CPEB2: variants seen among roughly 807,000 people sequenced by gnomAD.
The protein encoded by CPEB2 is cytoplasmic polyadenylation element-binding protein 2.
In CPEB2, 56 loss-of-function variants were observed where a neutral mutation model predicts 93.6. The observed-to-expected ratio is 0.60, with a 90% CI of 0.48 to 0.75. CPEB2 has a LOEUF of 0.75. CPEB2 is among the 30% of genes least tolerant of loss of function. CPEB2 has a pLI of 0.00. For missense variants in CPEB2, 1,579 were observed against 1,395.1 expected, an observed-to-expected ratio of 1.13 and a Z score of -2.10; for synonymous variants, 764 against 586.3, an observed-to-expected ratio of 1.30 and a Z score of -4.38.
chr4:15,014,965 G>T (rs942937225), intron 3 of CPEB2, among the ~76,000 whole-genome samples: 1 of 151,952 alleles, frequency 6.6e-6, no homozygotes, highest in African/African-American at 2.4e-5. Flanking sequence ...AGAGTATTTT[G>T]AGTCTTTTTC....
intron 5 of CPEB2, among the ~76,000 whole-genome samples, chr4:15,037,919 C>T (rs1326522850): frequency 6.6e-6 from 1 of 151,980 alleles, no homozygotes; most frequent in Non-Finnish European, 1.5e-5. Flanking sequence ...TCTCATAATT[C>T]TGATTAAGAG....
At chr4:15,024,424 T>C (rs1203455663) in intron 4 of CPEB2, among the ~76,000 whole-genome samples, 1 of 152,172 alleles carries the variant, frequency 6.6e-6, no homozygotes, top group Non-Finnish European at 1.5e-5. Context: ...ATTTAGAATA[T>C]TGAAGGTATG....
chr4:15,041,075 C>A (rs569926973), intron 6 of CPEB2, among the ~76,000 whole-genome samples: 72 of 152,018 alleles, frequency 4.7e-4, no homozygotes, highest in African/African-American at 1.7e-3. Context: ...TTCCCTCCCC[C>A]ACAAAAGTAT....
At position 15,003,604 on chromosome 4, in the gene CPEB2, C is replaced by G. The variant is rs368903858; in HGVS notation, c.931C>G (p.Pro311Ala). Residue 311 changes from proline (P) to alanine (A), a missense_variant, in exon 1 of 12, where the codon CCG (proline) becomes GCG (alanine). Physicochemically the swap from Pro to Ala is conservative, Grantham distance 27. Transcript: ENST00000538197. ...LASSTPVNPAPGSMESPNHPL... is the reference protein window; with the variant it reads ...LASSTPVNPAAGSMESPNHPL... ...CTCCTCGACGCCGGTGAACCCCGCG[C>G]CGGGCTCCATGGAGTCCCCCAACCA... 9.6e-4 allele frequency: 1,421 copies of G among 1,477,452 alleles called. 26 individuals carry two copies. In the South Asian group the frequency reaches 0.017, roughly 18 times the overall value. The allele number at this position is 1,477,452 out of a possible 1,614,324, so 91.5% of individuals were successfully genotyped here.
At chr4:15,017,674 C>T (rs372500935) in intron 4 of CPEB2, 10 of 152,630 alleles carry the variant, frequency 6.6e-5, no homozygotes, top group African/African-American at 1.9e-4. Flanking sequence ...AACCTCCTTT[C>T]TCTATTTTTC....
chr4:15,003,854 C>T lies in CPEB2; in HGVS notation c.1181C>T (p.Pro394Leu). The stretch of plus-strand genomic sequence containing the variant: ...CAGACCGCGTCGCCGCCACCCCAGC[C>T]CCAGCAGCCGCCGCCGACCCAGCCG... ...SVQTASPPPQPQQPPPTQPQQ... is the reference protein window; with the variant it reads ...SVQTASPPPQLQQPPPTQPQQ... The change falls in exon 1 of 12, where the codon CCC (proline) becomes CTC (leucine). Residue 394 changes from proline (P) to leucine (L), a missense_variant. By Grantham distance (98) the Pro-to-Leu change is moderately conservative. Transcript: ENST00000538197. The T allele has an allele frequency of 1.2e-6, 1 of 868,102 alleles. No homozygotes were observed. Among genetic ancestry groups the T allele is most frequent in the Non-Finnish European group, 1.5e-6 (1 of 658,098 alleles). 53.8% of individuals were successfully genotyped at this position (868,102 alleles called of 1,614,324 possible).
chr4:15,021,309 G>T (rs954362033), intron 4 of CPEB2, among the ~76,000 whole-genome samples: 11 of 152,076 alleles, frequency 7.2e-5, no homozygotes, highest in Non-Finnish European at 1.5e-4. Flanking sequence ...GGAAGATCAT[G>T]GATTCTTTAA....
intron 4 of CPEB2, among the ~76,000 whole-genome samples, chr4:15,028,052 T>C (rs1725669459): frequency 6.6e-6 from 1 of 152,190 alleles, no homozygotes; most frequent in Admixed American, 6.5e-5. Flanking sequence ...TCTAATGTGA[T>C]TTAAATGTTT....
At chr4:15,043,401 A>G (rs1727369300) in intron 6 of CPEB2, among the ~76,000 whole-genome samples, 1 of 152,186 alleles carries the variant, frequency 6.6e-6, no homozygotes, top group Non-Finnish European at 1.5e-5. Flanking sequence ...AGCCATAAAG[A>G]GTTCTACTTT....
chr4:15,038,582 A>G (rs1191383866), intron 5 of CPEB2, among the ~76,000 whole-genome samples: 6 of 141,018 alleles, frequency 4.3e-5, no homozygotes, highest in Admixed American at 1.4e-4. Context: ...TCTGTAGTCT[A>G]TTCTTTTTTT....
At chr4:15,057,419 A>G (rs764489734) in intron 8 of CPEB2, among the ~76,000 whole-genome samples, 6 of 152,196 alleles carry the variant, frequency 3.9e-5, no homozygotes, top group Non-Finnish European at 7.3e-5. Context: ...TCAGTAAAAC[A>G]TGACCTTACA....
chr4:15,066,078 A>G (rs1729681929), intron 11 of CPEB2, 75 bp from the exon 12 acceptor site: 6 of 1,284,878 alleles, frequency 4.7e-6, no homozygotes, highest in Middle Eastern at 1.9e-4. Context: ...TTTCTGCTGT[A>G]GAACATTTTA....
chr4:15,005,905 C>T (rs1722751810), intron 1 of CPEB2, among the ~76,000 whole-genome samples: 1 of 152,146 alleles, frequency 6.6e-6, no homozygotes, highest in Admixed American at 6.5e-5. Context: ...TGGAAACTTG[C>T]CCACAGAAAA....
At chr4:15,051,061 T>C (rs144557415) in intron 6 of CPEB2, among the ~76,000 whole-genome samples, 95 of 152,346 alleles carry the variant, frequency 6.2e-4, no homozygotes, top group African/African-American at 2.2e-3. Flanking sequence ...AATGGTTTTA[T>C]CATTTTCTAA....
chr4:15,013,280 C>G (rs190174272), intron 3 of CPEB2, among the ~76,000 whole-genome samples: 12 of 152,076 alleles, frequency 7.9e-5, no homozygotes, highest in African/African-American at 2.6e-4. Context: ...TAATCTGTTT[C>G]TGAAAGCCCA....
At position 15,003,191 on chromosome 4, in the gene CPEB2, A is replaced by G; in HGVS notation, c.518A>G (p.Gln173Arg). The G allele has an allele frequency of 1.3e-6, 2 of 1,533,980 alleles. No homozygotes were observed. Among genetic ancestry groups the G allele is most frequent in the South Asian group, 2.4e-5 (2 of 83,990 alleles). ...PQDFSKRQQQ[Q>R]LSSQKRKEFS... ...GACTTCAGTAAGCGGCAGCAGCAGC[A>G]GCTGAGCAGCCAGAAGAGGAAAGAG... Residue 173 changes from glutamine (Q) to arginine (R), a missense_variant, in exon 1 of 12, where the codon CAG (glutamine) becomes CGG (arginine). Physicochemically the swap from Gln to Arg is conservative, Grantham distance 43. This residue lies in a region of CPEB2 where 1,411 missense variants were observed against 1,056.0 expected (regional missense o/e 1.34). Transcript: ENST00000538197.
chr4:15,052,544 A>G lies in CPEB2; in HGVS notation c.2331A>G (p.Arg777=). ...QNGERIERFS[R]KVFVGGLPPD... Reference sequence around the variant, plus strand: ...GAGAGCGAATAGAACGCTTCTCTCGAAAAGTTTTTGTTGGTGGTCTTCCTC... The same window carrying G: ...GAGAGCGAATAGAACGCTTCTCTCGGAAAGTTTTTGTTGGTGGTCTTCCTC... Residue 777 remains arginine (R), a synonymous_variant, in exon 7 of 12, where the codon CGA becomes CGG. Transcript: ENST00000538197. 6.4e-7 allele frequency: 1 copy of G among 1,569,612 alleles called. No individual in the cohort carries two copies. Among genetic ancestry groups the G allele is most frequent in the Non-Finnish European group, 8.7e-7 (1 of 1,152,168 alleles).
rs1729918745 is a variant in CPEB2, at chr4:15,069,237, G to A, written c.*2857G>A. On this transcript the variant is annotated 3_prime_UTR_variant, in exon 12 of 12. Transcript: ENST00000538197. ...TATCCCTGTTGCATCTGGCTGCACA[G>A]AGCCTCTCCTCAAAGATGCTACAAA... The A allele has an allele frequency of 6.6e-6, 1 of 152,146 alleles. No homozygotes were observed. Among genetic ancestry groups the A allele is most frequent in the South Asian group, 2.1e-4 (1 of 4,822 alleles). The allele number at this position is 152,146 out of a possible 1,614,324, so 9.4% of individuals were successfully genotyped here. A position where few individuals can be genotyped will look rare whatever the true frequency, so the allele number is the denominator to read the frequency against.
In CPEB2 at chr4:15,007,388, C is replaced by A. The variant is rs1333158411; in HGVS notation, c.1746C>A (p.Gly582=). 6.2e-7 allele frequency: 1 copy of A among 1,613,398 alleles called. No individual in the cohort carries two copies. Among genetic ancestry groups the A allele is most frequent in the Admixed American group, 1.7e-5 (1 of 59,942 alleles). The change falls in exon 2 of 12, where the codon GGC becomes GGA. Residue 582 remains glycine (G), a synonymous_variant. Transcript: ENST00000538197. Reference sequence around the variant, plus strand: ...GTATGTCCTGGGGAGCAATGCATGGCAGAGATCATCGTAGAACCGGAAACA... The same window carrying A: ...GTATGTCCTGGGGAGCAATGCATGGAAGAGATCATCGTAGAACCGGAAACA... The part of the protein sequence containing the change: ...TGSMSWGAMH[G]RDHRRTGNMG...
Sources: allele counts gnomAD v4.1 joint callset (sites outside exome capture counted in the v4.1 genomes callset), GRCh38; gene constraint gnomAD v4.1.1; regional missense constraint gnomAD v4.1.1; transcripts MANE v1.5; gene names NCBI Gene and HGNC (gene_info 2026-07-23, HGNC 2026-07-21).